The following ARPC2 variants were observed in gnomAD, a reference collection of about 807,000 sequenced individuals.
ARPC2 encodes the protein actin-related protein 2/3 complex subunit 2.
A neutral mutation model predicts 38.6 loss-of-function variants in ARPC2; 4 were observed. That is an observed-to-expected ratio of 0.10 (90% CI 0.05 to 0.24). ARPC2 has a LOEUF of 0.24. ARPC2 is among the 10% of genes least tolerant of loss of function. The probability of loss-of-function intolerance (pLI) is 1.00; values close to 1 mark genes in which losing one functional copy is unlikely to be tolerated. For missense variants in ARPC2, 229 were observed against 387.3 expected, an observed-to-expected ratio of 0.59 and a Z score of 3.43; for synonymous variants, 125 against 140.8, an observed-to-expected ratio of 0.89 and a Z score of 0.79.
intron 2 of ARPC2, among the ~76,000 whole-genome samples, chr2:218,225,708 T>C (rs896174765): frequency 7.3e-6 from 1 of 137,138 alleles, no homozygotes; most frequent in Non-Finnish European, 1.6e-5. Flanking sequence ...GGCCTTCCTT[T>C]TTTATCTGAC....
chr2:218,245,482 A>G lies in ARPC2; in HGVS notation c.612A>G (p.Glu204=). Residue 204 remains glutamate, a synonymous_variant, in exon 8 of 11, where the codon GAA becomes GAG. Transcript: ENST00000315717. ...CACAGGTCCTCTTTAGCCACAGGGA[A>G]CCTCCTCTGGAGCTGAAAGACACAG... ...TAPQVLFSHR[E]PPLELKDTDA... is the part of the protein sequence containing the mutation. The G allele has an allele frequency of 6.2e-7, 1 of 1,614,090 alleles. No homozygotes were observed. Among genetic ancestry groups the G allele is most frequent in the Non-Finnish European group, 8.5e-7 (1 of 1,180,006 alleles).
intron 10 of ARPC2, among the ~76,000 whole-genome samples, chr2:218,250,628 C>T (rs972035523): frequency 2.0e-5 from 3 of 147,046 alleles, no homozygotes; most frequent in South Asian, 2.2e-4. Flanking sequence ...TGTGCCACTG[C>T]ACTCCAGCCT....
intron 5 of ARPC2, among the ~76,000 whole-genome samples, chr2:218,237,487 C>G (rs1689801305): frequency 6.6e-6 from 1 of 151,734 alleles, no homozygotes. Context: ...GCTTGAGCCA[C>G]TGTGCCCAGA....
Position 218,253,984 on chromosome 2 carries a change from CT to C in ARPC2, c.*73del. On this transcript the variant is annotated 3_prime_UTR_variant, in exon 11 of 11. Transcript: ENST00000315717. ...AACACTTGCTACTGGATAATCGTAG[CT>C]TTTAATGTTGCGCCTCTTCAGGTTC... 6.3e-7 allele frequency: 1 copy of C among 1,596,630 alleles called. No individual in the cohort carries two copies. Among genetic ancestry groups the C allele is most frequent in the African/African-American group, 1.3e-5 (1 of 74,534 alleles).
At chr2:218,240,245 G>A (rs368996854) in intron 7 of ARPC2, among the ~76,000 whole-genome samples, 11 of 152,226 alleles carry the variant, frequency 7.2e-5, no homozygotes, top group South Asian at 2.1e-4. Flanking sequence ...GAGCCACCGC[G>A]CCCAGCCTGA....
chr2:218,217,812 G>C (rs2106140083), intron 2 of ARPC2, among the ~76,000 whole-genome samples: 1 of 152,336 alleles, frequency 6.6e-6, no homozygotes, highest in African/African-American at 2.4e-5. Context: ...TGTGGGACGT[G>C]GGGGACCCTG....
intron 8 of ARPC2, among the ~76,000 whole-genome samples, chr2:218,245,997 C>T (rs1266007415): frequency 6.6e-6 from 1 of 151,948 alleles, no homozygotes; most frequent in African/African-American, 2.4e-5. Flanking sequence ...AGGTGGATCA[C>T]GAGGTCAGGA....
At chr2:218,236,936 G>A (rs1304577158) in intron 5 of ARPC2, among the ~76,000 whole-genome samples, 1 of 152,206 alleles carries the variant, frequency 6.6e-6, no homozygotes, top group Admixed American at 6.5e-5. Context: ...ATGATCCTCA[G>A]TGATGTAGAA....
intron 4 of ARPC2, chr2:218,233,434 G>A (rs191439987): frequency 1.3e-5 from 2 of 152,128 alleles, no homozygotes; most frequent in Admixed American, 1.3e-4. Context: ...GGGGTTCTTG[G>A]TTTTTTGGGT....
At chr2:218,243,174 C>T (rs1689955628) in intron 7 of ARPC2, among the ~76,000 whole-genome samples, 1 of 152,144 alleles carries the variant, frequency 6.6e-6, no homozygotes, top group Non-Finnish European at 1.5e-5. Context: ...AAATGGCTAT[C>T]CAGTGGTCCC....
At chr2:218,239,611 G>A (rs970473415) in intron 7 of ARPC2, 127 bp downstream of exon 7, 5 of 659,722 alleles carry the variant, frequency 7.6e-6, no homozygotes, top group South Asian at 3.8e-5. Context: ...TTTTTTTTTC[G>A]AGACGGAGTT....
chr2:218,220,734 AC>A (rs1335672666), intron 2 of ARPC2, among the ~76,000 whole-genome samples: 1 of 1,734 alleles, frequency 5.8e-4, no homozygotes, highest in Non-Finnish European at 2.7e-3. Context: ...GTTTAAGAAT[AC>A]ATTTGATCAT....
chr2:218,229,954 G>A (rs903118085), intron 4 of ARPC2, among the ~76,000 whole-genome samples: 1 of 151,646 alleles, frequency 6.6e-6, no homozygotes, highest in Non-Finnish European at 1.5e-5. Context: ...AAAACAAATG[G>A]CTATTAAAGC....
At chr2:218,224,340 A>AG (rs1300221987) in intron 2 of ARPC2, among the ~76,000 whole-genome samples, 5 of 152,184 alleles carry the variant, frequency 3.3e-5, no homozygotes, top group Admixed American at 3.3e-4. Flanking sequence ...TTAAAAAAAA[A>AG]CTTACTAAGT....
At chr2:218,220,725 T>C (rs1188733983) in intron 2 of ARPC2, among the ~76,000 whole-genome samples, 1 of 66,920 alleles carries the variant, frequency 1.5e-5, no homozygotes, top group Non-Finnish European at 2.9e-5. Context: ...ATCTAAACTG[T>C]TTAAGAATAC....
intron 2 of ARPC2, among the ~76,000 whole-genome samples, chr2:218,219,992 A>G (rs1689347034): frequency 6.6e-6 from 1 of 152,206 alleles, no homozygotes; most frequent in South Asian, 2.1e-4. Context: ...CAGAACTTAC[A>G]GCAGAGTTTG....
intron 2 of ARPC2, among the ~76,000 whole-genome samples, chr2:218,222,959 A>G (rs977217843): frequency 2.0e-5 from 3 of 152,162 alleles, no homozygotes; most frequent in Non-Finnish European, 4.4e-5. Flanking sequence ...TGTATGGCAC[A>G]TTTGGGTAAA....
At chr2:218,250,358 C>T (rs1240401231) in intron 10 of ARPC2, among the ~76,000 whole-genome samples, 1 of 152,108 alleles carries the variant, frequency 6.6e-6, no homozygotes, top group Non-Finnish European at 1.5e-5. Flanking sequence ...TTCTCTTTAT[C>T]AGGGATAGAA....
chr2:218,242,257 C>G (rs1689933205), intron 7 of ARPC2, among the ~76,000 whole-genome samples: 1 of 152,200 alleles, frequency 6.6e-6, no homozygotes, highest in Non-Finnish European at 1.5e-5. Flanking sequence ...TAGAAGCCAT[C>G]ATTTCAATGC....
Sources: allele counts gnomAD v4.1 joint callset (sites outside exome capture counted in the v4.1 genomes callset), GRCh38; gene constraint gnomAD v4.1.1; transcripts MANE v1.5; gene names NCBI Gene and HGNC (gene_info 2026-07-23, HGNC 2026-07-21).